The following SPATA16 variants were observed in gnomAD, a reference collection of about 807,000 sequenced individuals.
The protein encoded by SPATA16 is spermatogenesis associated 16.
Under a neutral mutation model 63.3 loss-of-function variants are expected in SPATA16, and 36 were observed. The observed-to-expected ratio is 0.57, with a 90% confidence interval of 0.44 to 0.75. The LOEUF (loss-of-function observed/expected upper bound fraction) is 0.75. Among genes scored for constraint, SPATA16 ranks in the 30% least tolerant of loss-of-function variants. The probability of loss-of-function intolerance (pLI) is 0.00; values close to 1 mark genes in which losing one functional copy is unlikely to be tolerated. For missense variants in SPATA16, 646 were observed against 679.3 expected (o/e 0.95, Z 0.54); for synonymous variants, 203 against 216.7 (o/e 0.94, Z 0.56).
chr3:173,060,275 C>T (rs747698978), intron 2 of SPATA16, among the ~76,000 whole-genome samples: 25 of 151,866 alleles, frequency 1.6e-4, no homozygotes, highest in Non-Finnish European at 3.5e-4. Context: ...AGAAACAAAG[C>T]CAAAGATGGA....
rs185536627 is a variant in SPATA16, at chr3:172,998,588, C to T, written c.848+20898G>A. Among the ~76,000 whole-genome samples, 24 of 152,188 alleles carry T rather than the reference C, an allele frequency of 1.6e-4. No homozygotes were observed. The East Asian group carries it at 2.9e-3, about 18-fold the overall frequency. On this transcript the variant is annotated intron_variant, in intron 4 of 10. Coordinates refer to ENST00000351008, the MANE Select transcript of SPATA16 (RefSeq NM_031955.6). ...CTTCCAGTGACATATTGAAAAGCAACGGTGAGAGGTAATAGTCTTATTTTG... is the reference window on the plus strand; with the variant it reads ...CTTCCAGTGACATATTGAAAAGCAATGGTGAGAGGTAATAGTCTTATTTTG...
chr3:173,052,456 A>G (rs754141299), intron 2 of SPATA16, among the ~76,000 whole-genome samples: 3 of 152,162 alleles, frequency 2.0e-5, no homozygotes, highest in Non-Finnish European at 4.4e-5. Context: ...TGCTTTACCA[A>G]TCGAGTGTTG....
intron 3 of SPATA16, among the ~76,000 whole-genome samples, chr3:173,046,848 C>T (rs188474596): frequency 6.6e-6 from 1 of 152,048 alleles, no homozygotes; most frequent in Non-Finnish European, 1.5e-5. Context: ...GCACTATGAC[C>T]AGACCAGCAA....
intron 3 of SPATA16, among the ~76,000 whole-genome samples, chr3:173,028,840 T>C (rs1293856258): frequency 6.6e-6 from 1 of 152,058 alleles, no homozygotes; most frequent in African/African-American, 2.4e-5. Flanking sequence ...TCTGAGCATC[T>C]GTGAAGATCA....
chr3:172,958,543 G>A (rs953200782), intron 5 of SPATA16, among the ~76,000 whole-genome samples: 4 of 152,154 alleles, frequency 2.6e-5, no homozygotes, highest in South Asian at 2.1e-4. Context: ...TAAGGTCATG[G>A]CTGACTTTAC....
At chr3:173,001,887 G>A (rs1734836816) in intron 4 of SPATA16, among the ~76,000 whole-genome samples, 1 of 152,068 alleles carries the variant, frequency 6.6e-6, no homozygotes, top group African/African-American at 2.4e-5. Context: ...AAACTGGACT[G>A]GAAACCAGAA....
At chr3:173,131,268 C>G (rs1175487359) in intron 1 of SPATA16, among the ~76,000 whole-genome samples, 1 of 152,210 alleles carries the variant, frequency 6.6e-6, no homozygotes, top group Non-Finnish European at 1.5e-5. Context: ...ACGTTATACT[C>G]TGCTTATGGG....
intron 3 of SPATA16, among the ~76,000 whole-genome samples, chr3:173,033,993 C>T (rs1175938283): frequency 6.6e-6 from 1 of 152,138 alleles, no homozygotes; most frequent in Admixed American, 6.5e-5. Context: ...GAGTGAGCTG[C>T]CGCGCCTGGC....
At chr3:173,042,603 T>A (rs1001451015) in intron 3 of SPATA16, among the ~76,000 whole-genome samples, 8 of 152,186 alleles carry the variant, frequency 5.3e-5, no homozygotes, top group Non-Finnish European at 1.2e-4. Flanking sequence ...GGTGGTGGGA[T>A]TACAATAAAA....
In SPATA16 at chr3:172,961,062, TCTTCTTTCTTCCTTCCTTC is replaced by T. The variant is rs1402170296; in HGVS notation, c.934-4257_934-4239del. Among the ~76,000 whole-genome samples the T allele has an allele frequency of 3.1e-3, 114 of 37,044 alleles. 7 individuals carry two copies. The highest frequency in any genetic ancestry group is 0.011 in the African/African-American group (100 of 9,486). 24.3% of individuals were successfully genotyped at this position (37,044 alleles called of 152,430 possible). On this transcript the variant is annotated intron_variant, in intron 5 of 10. Transcript: ENST00000351008. ...TTTCTTTCTTTCTTCTTTCTTTCTTTCTTCTTTCTTCCTTCCTTCCTTCCTTCCTTCCTTCCTTCCTTCC... is the reference window on the plus strand; with the variant it reads ...TTTCTTTCTTTCTTCTTTCTTTCTTTCTTCCTTCCTTCCTTCCTTCCTTCC...
chr3:172,991,255 A>G (rs1476825690), intron 4 of SPATA16, among the ~76,000 whole-genome samples: 1 of 152,130 alleles, frequency 6.6e-6, no homozygotes, highest in East Asian at 1.9e-4. Context: ...GCCAGCCTCC[A>G]TGGTTAAATA....
In SPATA16 at chr3:172,961,048, C is replaced by CT. The variant is rs796342325; in HGVS notation, c.934-4225dup. 8.1e-3 allele frequency among the ~76,000 whole-genome samples: 534 copies of CT among 66,040 alleles called. 23 individuals carry two copies. The highest frequency in any genetic ancestry group is 0.022 in the African/African-American group (405 of 18,788). 43.3% of individuals were successfully genotyped at this position (66,040 alleles called of 152,430 possible). ...TCTTTCTCTCTTTCTTTCTTTCTTT[C>CT]TTCTTTCTTTCTTTCTTCTTTCTTC... On this transcript the variant is annotated intron_variant, in intron 5 of 10. Coordinates refer to ENST00000351008, the MANE Select transcript of SPATA16 (RefSeq NM_031955.6).
At chr3:173,007,414 C>T (rs1476233780) in intron 4 of SPATA16, among the ~76,000 whole-genome samples, 1 of 151,958 alleles carries the variant, frequency 6.6e-6, no homozygotes, top group South Asian at 2.1e-4. Flanking sequence ...CTGTCAGAGG[C>T]CAAGAGTGAG....
chr3:173,033,006 C>T (rs1196624025), intron 3 of SPATA16, among the ~76,000 whole-genome samples: 2 of 152,100 alleles, frequency 1.3e-5, no homozygotes, highest in Non-Finnish European at 2.9e-5. Flanking sequence ...TCAAGGATCA[C>T]TCTCCACCAA....
At chr3:173,136,235 A>C (rs1394796806) in intron 1 of SPATA16, among the ~76,000 whole-genome samples, 1 of 152,174 alleles carries the variant, frequency 6.6e-6, no homozygotes, top group Non-Finnish European at 1.5e-5. Context: ...CCATGATTAC[A>C]TTTCTGAGGG....
intron 2 of SPATA16, among the ~76,000 whole-genome samples, chr3:173,093,078 T>C (rs867882670): frequency 1.9e-3 from 249 of 131,042 alleles, no homozygotes; most frequent in Non-Finnish European, 2.0e-3. Context: ...CACACACACA[T>C]ATATATATAT....
chr3:173,128,903 C>T (rs1401429336), intron 1 of SPATA16, among the ~76,000 whole-genome samples: 1 of 152,238 alleles, frequency 6.6e-6, no homozygotes, highest in Non-Finnish European at 1.5e-5. Flanking sequence ...CAGGCCAATG[C>T]ATTCACATGC....
intron 4 of SPATA16, among the ~76,000 whole-genome samples, chr3:172,977,966 C>G (rs1421327982): frequency 6.6e-6 from 1 of 152,004 alleles, no homozygotes; most frequent in Admixed American, 6.6e-5. Flanking sequence ...TAGAAAATTT[C>G]CTTTTCTAAA....
intron 2 of SPATA16, among the ~76,000 whole-genome samples, chr3:173,074,311 G>T (rs1736737645): frequency 6.6e-6 from 1 of 152,106 alleles, no homozygotes; most frequent in Non-Finnish European, 1.5e-5. Context: ...AGGGGCTAGG[G>T]GTGAAATGAT....
Sources: gnomAD v4.1 joint callset for allele counts (sites outside exome capture counted in the v4.1 genomes callset) on GRCh38, gnomAD v4.1.1 for gene constraint, MANE v1.5 for transcripts, NCBI Gene and HGNC (gene_info 2026-07-23, HGNC 2026-07-21) for gene names.